Variants in QTGAL observed in about 807,000 individuals in gnomAD.
QTGAL encodes queuosine-tRNA galactosyltransferase.
At chr17:82,997,934 T>C in the QTGAL span, among the ~76,000 whole-genome samples, 1 of 142,942 alleles carries the variant, frequency 7.0e-6, no homozygotes. Flanking sequence ...AAAAAAAATA[T>C]ATATATATAT....
At chr17:82,994,082 T>A in the QTGAL span, among the ~76,000 whole-genome samples, 1 of 151,936 alleles carries the variant, frequency 6.6e-6, no homozygotes, top group Non-Finnish European at 1.5e-5. Context: ...ATAAACAACC[T>A]AACAATGCAT....
At chr17:82,989,317 G>A in the QTGAL span, among the ~76,000 whole-genome samples, 1 of 151,474 alleles carries the variant, frequency 6.6e-6, no homozygotes. Context: ...GACACGGGGG[G>A]AACAACACAC....
the QTGAL span, among the ~76,000 whole-genome samples, chr17:82,987,316 C>T: frequency 2.0e-5 from 3 of 152,098 alleles, no homozygotes; most frequent in Non-Finnish European, 4.4e-5. Context: ...CATTTGCTTA[C>T]AATTTTAAAA....
the QTGAL span, among the ~76,000 whole-genome samples, chr17:83,009,147 G>A: frequency 2.0e-5 from 3 of 151,838 alleles, no homozygotes; most frequent in African/African-American, 7.3e-5. Flanking sequence ...CTCAGGGCTG[G>A]GCGCAGTGGC....
chr17:82,966,011 G>GC, the QTGAL span, among the ~76,000 whole-genome samples: 1 of 151,796 alleles, frequency 6.6e-6, no homozygotes, highest in African/African-American at 2.4e-5. Flanking sequence ...ACCTCCTCAA[G>GC]CAATCCTCCT....
the QTGAL span, among the ~76,000 whole-genome samples, chr17:82,972,582 A>G: frequency 8.2e-6 from 1 of 121,682 alleles, no homozygotes; most frequent in African/African-American, 3.8e-5. Context: ...ACCACACCAC[A>G]CCACGGGCCA....
At chr17:83,006,635 G>A in the QTGAL span, 44 of 985,328 alleles carry the variant, frequency 4.5e-5, no homozygotes, top group Non-Finnish European at 4.9e-5. The surrounding 1 kb of genome is among the most constrained non-coding windows in gnomAD (Gnocchi z 5.8). Flanking sequence ...CCGTGGCTGT[G>A]CTATCCCGAC....
At chr17:83,044,472 A>C in the QTGAL span, among the ~76,000 whole-genome samples, 5 of 152,272 alleles carry the variant, frequency 3.3e-5, no homozygotes, top group Non-Finnish European at 5.9e-5. Flanking sequence ...GACTAGAATT[A>C]AAAGGAAACC....
chr17:82,972,480 A>C, the QTGAL span, among the ~76,000 whole-genome samples: 1 of 126,938 alleles, frequency 7.9e-6, no homozygotes, highest in Non-Finnish European at 1.6e-5. Context: ...CACAGGGGCT[A>C]GAAGGACCTG....
the QTGAL span, among the ~76,000 whole-genome samples, chr17:82,988,143 G>T: frequency 6.6e-6 from 1 of 152,192 alleles, no homozygotes; most frequent in Non-Finnish European, 1.5e-5. Context: ...CTTTGCTGAA[G>T]TTGCTTATCA....
At chr17:83,002,071 A>T in the QTGAL span, among the ~76,000 whole-genome samples, 687 of 143,712 alleles carry the variant, frequency 4.8e-3, 3 homozygotes, top group Non-Finnish European at 7.9e-3. Context: ...TTTTTTTTTT[A>T]AATTTCCCAC....
the QTGAL span, among the ~76,000 whole-genome samples, chr17:83,049,685 G>A: frequency 6.6e-6 from 1 of 152,232 alleles, no homozygotes; most frequent in South Asian, 2.1e-4. Flanking sequence ...GTATCGGGCA[G>A]GAGGTGTTCA....
At chr17:82,962,696 TC>T in the QTGAL span, among the ~76,000 whole-genome samples, 1 of 152,176 alleles carries the variant, frequency 6.6e-6, no homozygotes, top group African/African-American at 2.4e-5. Flanking sequence ...ATTTTCTGTG[TC>T]TTCAAAGGCA....
chr17:82,959,438 G>A, the QTGAL span, among the ~76,000 whole-genome samples: 1 of 145,868 alleles, frequency 6.9e-6, no homozygotes, highest in African/African-American at 2.6e-5. Flanking sequence ...TGTGCATGCT[G>A]TACATGTGGT....
chr17:82,971,636 CCTGGTG>C, the QTGAL span, among the ~76,000 whole-genome samples: 1 of 138,898 alleles, frequency 7.2e-6, no homozygotes, highest in African/African-American at 2.7e-5. Flanking sequence ...GCCAGAAGGA[CCTGGTG>C]CCGACCACAC....
the QTGAL span, among the ~76,000 whole-genome samples, chr17:83,028,690 A>G: frequency 4.3e-4 from 66 of 152,318 alleles, no homozygotes; most frequent in African/African-American, 1.5e-3. Flanking sequence ...AAGGCAGAAC[A>G]GTACGAACGC....
chr17:82,971,118 C>T, the QTGAL span, among the ~76,000 whole-genome samples: 64 of 152,272 alleles, frequency 4.2e-4, 1 homozygote, highest in South Asian at 0.011. Context: ...CACACAGCCA[C>T]GCTGGGGGTC....
chr17:83,019,925 C>T, the QTGAL span, among the ~76,000 whole-genome samples: 3 of 152,102 alleles, frequency 2.0e-5, no homozygotes, highest in Admixed American at 2.0e-4. Flanking sequence ...GTAGAGACAG[C>T]GTTTCACCAC....
At chr17:82,998,260 AT>A in the QTGAL span, among the ~76,000 whole-genome samples, 1 of 152,224 alleles carries the variant, frequency 6.6e-6, no homozygotes, top group Non-Finnish European at 1.5e-5. Context: ...TGTACCCACA[AT>A]AATTTAAAAA....
Sources: allele counts gnomAD v4.1 joint callset (sites outside exome capture counted in the v4.1 genomes callset), GRCh38; gene constraint gnomAD v4.1.1; non-coding constraint Gnocchi (gnomAD v3.1); transcripts MANE v1.5; gene names NCBI Gene and HGNC (gene_info 2026-07-23, HGNC 2026-07-21).